CLYBL: variants seen among roughly 807,000 people sequenced by gnomAD.
CLYBL encodes citramalyl-CoA lyase.
CLYBL carries 31 observed loss-of-function variants against 38.9 expected under a neutral mutation model. That is an observed-to-expected ratio of 0.80 (90% CI 0.60 to 1.08). CLYBL has a LOEUF of 1.08. Ranked by LOEUF, CLYBL falls within the 50% of genes least tolerant of loss-of-function variation. The pLI is 0.00. For missense variants in CLYBL, 434 were observed against 411.6 expected, an observed-to-expected ratio of 1.05 and a Z score of -0.47; for synonymous variants, 171 against 158.6, an observed-to-expected ratio of 1.08 and a Z score of -0.59.
downstream of CLYBL, chr13:99,897,245 G>A (rs905768165): frequency 3.9e-5 from 6 of 152,236 alleles, no homozygotes; most frequent in Non-Finnish European, 7.3e-5. Context: ...AGGCCTGCCT[G>A]AGGTCTGAGG....
intron 4 of CLYBL, among the ~76,000 whole-genome samples, chr13:99,863,691 T>C (rs2051667319): frequency 6.6e-6 from 1 of 152,222 alleles, no homozygotes. Context: ...TCTTAACAAA[T>C]TCAGAGCTAG....
intron 1 of CLYBL, among the ~76,000 whole-genome samples, chr13:99,639,858 G>T (rs7987145): frequency 2.0e-5 from 3 of 152,076 alleles, no homozygotes; most frequent in African/African-American, 7.2e-5. Context: ...GATTGTACCA[G>T]TGCACTCTAG....
At chr13:99,678,194 C>T (rs938476161) in intron 1 of CLYBL, among the ~76,000 whole-genome samples, 1 of 152,168 alleles carries the variant, frequency 6.6e-6, no homozygotes, top group Non-Finnish European at 1.5e-5. Flanking sequence ...TACGGCTGAA[C>T]ATTTTGTCAT....
At chr13:99,663,133 C>A (rs1189481635) in intron 1 of CLYBL, among the ~76,000 whole-genome samples, 1 of 152,230 alleles carries the variant, frequency 6.6e-6, no homozygotes, top group South Asian at 2.1e-4. Context: ...AAACTCAGCA[C>A]TTCTCTTAGC....
chr13:99,652,513 G>T (rs2047269707), intron 1 of CLYBL, among the ~76,000 whole-genome samples: 1 of 152,144 alleles, frequency 6.6e-6, no homozygotes, highest in Admixed American at 6.5e-5. Context: ...TTTGAGACCA[G>T]CCTGGGCAAT....
chr13:99,867,336 G>C (rs1037512026), intron 6 of CLYBL, among the ~76,000 whole-genome samples: 3 of 152,168 alleles, frequency 2.0e-5, no homozygotes. Flanking sequence ...CGAAAGAAAG[G>C]TTTCATAAAG....
chr13:99,709,954 C>T (rs1305646124), intron 1 of CLYBL, among the ~76,000 whole-genome samples: 1 of 127,140 alleles, frequency 7.9e-6, no homozygotes, highest in Non-Finnish European at 1.6e-5. Context: ...GACGGAGTCT[C>T]GCTCTGTCGC....
At chr13:99,786,045 T>C (rs903350093) in intron 2 of CLYBL, among the ~76,000 whole-genome samples, 3 of 152,092 alleles carry the variant, frequency 2.0e-5, no homozygotes, top group Non-Finnish European at 4.4e-5. Flanking sequence ...CCAATACAAT[T>C]ATATTTTAAC....
rs180767634 is a variant in CLYBL, at chr13:99,705,494, C to T, written c.63-67330C>T. Among the ~76,000 whole-genome samples, 14 of 151,920 alleles carry T rather than the reference C, an allele frequency of 9.2e-5. No individual in the cohort carries two copies. The East Asian group carries it at 1.7e-3, about 19-fold the overall frequency. On this transcript the variant is annotated intron_variant, in intron 1 of 8. Transcript: ENST00000339105. ...ACTTGGGAGGCTGAGGCAGGAGAAT[C>T]GCTTGGACCTGGAAGGTGGAGGTTG...
intron 1 of CLYBL, among the ~76,000 whole-genome samples, chr13:99,698,388 TG>T (rs1566613216): frequency 6.6e-6 from 1 of 151,994 alleles, no homozygotes; most frequent in African/African-American, 2.4e-5. Context: ...CGTGCCTTGA[TG>T]GAGTTTCTAG....
At chr13:99,625,174 G>C (rs1476453604) in intron 1 of CLYBL, among the ~76,000 whole-genome samples, 1 of 152,152 alleles carries the variant, frequency 6.6e-6, no homozygotes, top group Non-Finnish European at 1.5e-5. Context: ...GCTGTCCATC[G>C]GGCTGTAAGC....
At chr13:99,762,959 C>A (rs1168832131) in intron 1 of CLYBL, among the ~76,000 whole-genome samples, 1 of 151,962 alleles carries the variant, frequency 6.6e-6, no homozygotes, top group Non-Finnish European at 1.5e-5. Context: ...TTCTTGATAT[C>A]TTTTTCATAT....
chr13:99,614,566 G>A (rs1242352367), intron 1 of CLYBL, among the ~76,000 whole-genome samples: 2 of 152,104 alleles, frequency 1.3e-5, no homozygotes, highest in Admixed American at 6.5e-5. Context: ...GCCCGGGCAG[G>A]TGTAGCTGCG....
chr13:99,861,215 A>G (rs1487553710), intron 3 of CLYBL, among the ~76,000 whole-genome samples: 1 of 152,146 alleles, frequency 6.6e-6, no homozygotes, highest in Non-Finnish European at 1.5e-5. Context: ...ACTTAGTGCA[A>G]TTTTTTAAGA....
intron 8 of CLYBL, among the ~76,000 whole-genome samples, chr13:99,903,931 G>A (rs1170545328): frequency 6.6e-6 from 1 of 152,070 alleles, no homozygotes; most frequent in African/African-American, 2.4e-5. Flanking sequence ...TGTGGTCCCA[G>A]CTACTCAGGA....
intron 2 of CLYBL, among the ~76,000 whole-genome samples, chr13:99,810,423 T>C (rs1018575547): frequency 7.3e-5 from 11 of 151,336 alleles, no homozygotes; most frequent in African/African-American, 2.7e-4. Context: ...CAGTGGGGAG[T>C]GGAGCAGAGA....
intron 1 of CLYBL, among the ~76,000 whole-genome samples, chr13:99,677,381 T>C (rs1014443722): frequency 6.6e-6 from 1 of 152,160 alleles, no homozygotes; most frequent in Non-Finnish European, 1.5e-5. Flanking sequence ...GATTTACTTC[T>C]GGGGAGCATC....
intron 1 of CLYBL, among the ~76,000 whole-genome samples, chr13:99,696,905 T>C (rs1403600042): frequency 6.6e-6 from 1 of 152,254 alleles, no homozygotes; most frequent in Non-Finnish European, 1.5e-5. Context: ...TCTCTATTTT[T>C]TTCTACAAAT....
At chr13:99,662,070 C>A (rs2047416547) in intron 1 of CLYBL, among the ~76,000 whole-genome samples, 1 of 152,090 alleles carries the variant, frequency 6.6e-6, no homozygotes, top group African/African-American at 2.4e-5. Context: ...GAAGAATGAC[C>A]CCAAATTGGA....
Sources: gnomAD v4.1 joint callset for allele counts (sites outside exome capture counted in the v4.1 genomes callset) on GRCh38, gnomAD v4.1.1 for gene constraint, MANE v1.5 for transcripts, NCBI Gene and HGNC (gene_info 2026-07-23, HGNC 2026-07-21) for gene names.